ABI2: variants seen among roughly 807,000 people sequenced by gnomAD.
ABI2 encodes the protein abl interactor 2.
Under a neutral mutation model 59.2 loss-of-function variants are expected in ABI2, and 25 were observed. The observed-to-expected ratio is 0.42, with a 90% CI of 0.31 to 0.59. The LOEUF (loss-of-function observed/expected upper bound fraction) is 0.59. Among genes scored for constraint, ABI2 ranks in the 20% least tolerant of loss-of-function variants. The probability of loss-of-function intolerance (pLI) is 0.14; values close to 1 mark genes in which losing one functional copy is unlikely to be tolerated. For synonymous variants in ABI2, 213 were observed against 235.5 expected (o/e 0.90, Z 0.87); for missense variants, 545 against 681.8 (o/e 0.80, Z 2.23).
At position 203,411,290 on chromosome 2, in the gene ABI2, C is replaced by G; in HGVS notation, c.1198C>G (p.Leu400Val). 6.2e-7 allele frequency: 1 copy of G among 1,613,524 alleles called. No homozygotes were observed. Residue 400 changes from leucine to valine, a missense_variant, in exon 10 of 12, where the codon CTT (leucine) becomes GTT (valine). Leu to Val is a conservative substitution (Grantham distance 32, BLOSUM62 1). This residue lies in a region of ABI2 where 410 missense variants were observed against 435.6 expected (regional missense o/e 0.94). Coordinates refer to ENST00000261018, the MANE Select transcript of ABI2 (RefSeq NM_001375670.1). ...GPFYSQNPVS[L>V]APPPPSILQV... The stretch of plus-strand genomic sequence containing the variant: ...CACCTTTTTTGTTTTTGCAGTATCT[C>G]TTGCTCCTCCTCCTCCCTCCATCCT...
At chr2:203,413,976 T>C (rs1206438813) in intron 10 of ABI2, among the ~76,000 whole-genome samples, 2 of 152,304 alleles carry the variant, frequency 1.3e-5, no homozygotes, top group East Asian at 3.9e-4. Context: ...CATGGCTCTT[T>C]GGATAGAGTC....
intron 11 of ABI2, among the ~76,000 whole-genome samples, chr2:203,426,005 G>A (rs1330586621): frequency 1.4e-5 from 2 of 145,084 alleles, no homozygotes; most frequent in Non-Finnish European, 3.0e-5. Context: ...TGGGCGATAA[G>A]AGTGAGACTG....
intron 1 of ABI2, among the ~76,000 whole-genome samples, chr2:203,362,842 T>G (rs1180467092): frequency 1.3e-5 from 2 of 151,564 alleles, no homozygotes; most frequent in East Asian, 3.9e-4. Context: ...TTTAAATACT[T>G]TTTTGTTTTG....
chr2:203,394,530 TA>T, intron 5 of ABI2, 169 bp from the exon 6 acceptor site: 1 of 614,126 alleles, frequency 1.6e-6, no homozygotes, highest in Non-Finnish European at 2.8e-6. Flanking sequence ...ACCAAAACCC[TA>T]ATGGTGGAGA....
rs1258624107 is a variant in ABI2, at chr2:203,396,915, T to C, written c.981T>C (p.Ala327=). ...CTGCTGGGGGTGCCCAGACCCTTGCTGATGGCTTCACTTCTCCAACTCCCC... is the reference window on the plus strand; with the variant it reads ...CTGCTGGGGGTGCCCAGACCCTTGCCGATGGCTTCACTTCTCCAACTCCCC... ...DAAAGGAQTL[A]DGFTSPTPPV... The change falls in exon 8 of 12, where the codon GCT becomes GCC. Residue 327 remains alanine, a synonymous_variant. Transcript: ENST00000261018. The C allele has an allele frequency of 3.9e-6, 6 of 1,527,148 alleles. No individual in the cohort carries two copies. Among genetic ancestry groups the C allele is most frequent in the Admixed American group, 2.0e-5 (1 of 48,952 alleles). The allele number at this position is 1,527,148 out of a possible 1,614,324, so 94.6% of individuals were successfully genotyped here.
intron 2 of ABI2, 50 bp downstream of exon 2, chr2:203,367,094 A>AT: frequency 6.5e-7 from 1 of 1,542,462 alleles, no homozygotes; most frequent in Non-Finnish European, 8.8e-7. Flanking sequence ...CTTAATAATA[A>AT]ACACAGGCTA....
chr2:203,361,940 A>G (rs4507085), intron 1 of ABI2, among the ~76,000 whole-genome samples: 151,712 of 152,352 alleles, frequency 1, 75,539 homozygotes, highest in East Asian at 1. Flanking sequence ...TTCCCTTGTG[A>G]TCCTTCATGA....
intron 10 of ABI2, among the ~76,000 whole-genome samples, chr2:203,414,076 T>A (rs2097785171): frequency 6.6e-6 from 1 of 151,742 alleles, no homozygotes; most frequent in South Asian, 2.1e-4. Context: ...AGTTTCTTGC[T>A]TTCTTACCTT....
In ABI2 at chr2:203,356,510, A is replaced by G. The variant is rs561169116; in HGVS notation, c.118-10367A>G. On this transcript the variant is annotated intron_variant, in intron 1 of 11. Coordinates refer to ENST00000261018, the MANE Select transcript of ABI2 (RefSeq NM_001375670.1). ...CAGCCTCCCGAGTAGCTGGGACTACAGGCGCGTGCTGCCACGCCCGGCTAA... is the reference window on the plus strand; with the variant it reads ...CAGCCTCCCGAGTAGCTGGGACTACGGGCGCGTGCTGCCACGCCCGGCTAA... Among the ~76,000 whole-genome samples the G allele has an allele frequency of 4.8e-3, 728 of 152,206 alleles. 12 individuals carry two copies. The highest frequency in any genetic ancestry group is 3.9e-3 in the South Asian group (19 of 4,826).
intron 4 of ABI2, among the ~76,000 whole-genome samples, chr2:203,384,928 G>A (rs1041200364): frequency 1.3e-5 from 2 of 148,450 alleles, no homozygotes; most frequent in Admixed American, 6.7e-5. Flanking sequence ...TCCGCCTCCC[G>A]GGTTCAGGCG....
At chr2:203,371,053 G>C (rs1314724693) in intron 2 of ABI2, among the ~76,000 whole-genome samples, 1 of 152,148 alleles carries the variant, frequency 6.6e-6, no homozygotes, top group East Asian at 1.9e-4. Flanking sequence ...TGTGACATTT[G>C]ACTTCTTTGA....
At chr2:203,406,195 CA>C (rs898109382) in intron 9 of ABI2, among the ~76,000 whole-genome samples, 9 of 152,032 alleles carry the variant, frequency 5.9e-5, no homozygotes, top group African/African-American at 2.2e-4. Flanking sequence ...CCTTGGTGGT[CA>C]AGAAGAATAT....
chr2:203,385,579 T>G (rs1259543598), intron 4 of ABI2, among the ~76,000 whole-genome samples: 2 of 152,224 alleles, frequency 1.3e-5, no homozygotes, highest in Non-Finnish European at 2.9e-5. Context: ...TGAGTACTAT[T>G]TTTAGCAAGT....
chr2:203,406,388 G>T (rs1300933131), intron 9 of ABI2, among the ~76,000 whole-genome samples: 1 of 152,162 alleles, frequency 6.6e-6, no homozygotes, highest in African/African-American at 2.4e-5. Flanking sequence ...GGTTCCAAGA[G>T]ATGTGTCTAT....
intron 1 of ABI2, among the ~76,000 whole-genome samples, chr2:203,337,744 C>T (rs2077121541): frequency 6.6e-6 from 1 of 152,138 alleles, no homozygotes; most frequent in African/African-American, 2.4e-5. Context: ...TATTACAAAG[C>T]TATAGGCCTG....
intron 1 of ABI2, among the ~76,000 whole-genome samples, chr2:203,355,557 C>T (rs1477882236): frequency 6.6e-6 from 1 of 151,596 alleles, no homozygotes; most frequent in Non-Finnish European, 1.5e-5. Context: ...AGGCCAGGCG[C>T]AGTGGCTCAT....
intron 8 of ABI2, among the ~76,000 whole-genome samples, chr2:203,402,016 A>C (rs949267664): frequency 6.6e-6 from 1 of 152,096 alleles, no homozygotes; most frequent in African/African-American, 2.4e-5. Flanking sequence ...AATTTAGTGA[A>C]ATAATAGTGT....
intron 2 of ABI2, among the ~76,000 whole-genome samples, chr2:203,379,153 A>T (rs2095925710): frequency 6.6e-6 from 1 of 152,228 alleles, no homozygotes. Flanking sequence ...GCATTTAATA[A>T]ATATAAATAA....
chr2:203,354,971 C>T (rs938911902), intron 1 of ABI2, among the ~76,000 whole-genome samples: 1 of 152,176 alleles, frequency 6.6e-6, no homozygotes, highest in Non-Finnish European at 1.5e-5. Flanking sequence ...TTTCATCCAT[C>T]CTCCCCACAA....
Sources: allele counts gnomAD v4.1 joint callset (sites outside exome capture counted in the v4.1 genomes callset), GRCh38; gene constraint gnomAD v4.1.1; regional missense constraint gnomAD v4.1.1; transcripts MANE v1.5; gene names NCBI Gene and HGNC (gene_info 2026-07-23, HGNC 2026-07-21).